The following LRP1B variants were observed in gnomAD, a reference collection of about 807,000 sequenced individuals.
LRP1B encodes the protein LDL receptor related protein 1B, also known as low-density lipoprotein receptor-related protein 1B.
Under a neutral mutation model 556.6 loss-of-function variants are expected in LRP1B, and 217 were observed. The ratio of observed to expected loss-of-function variants is 0.39; its 90% CI spans 0.35 to 0.44. The LOEUF (loss-of-function observed/expected upper bound fraction) is 0.44, where lower values mean the gene tolerates loss of function less well. LRP1B is among the 20% of genes least tolerant of loss of function. LRP1B has a pLI of 1.00. For missense variants in LRP1B, 5,053 were observed against 5,620.8 expected (o/e 0.90, Z 3.23); for synonymous variants, 2,047 against 1,865.8 (o/e 1.10, Z -2.50).
At chr2:141,485,280 G>A (rs7423788) in intron 2 of LRP1B, among the ~76,000 whole-genome samples, 4,862 of 152,138 alleles carry the variant, frequency 0.032, 282 homozygotes, top group African/African-American at 0.11. Context: ...TGGATGAACT[G>A]TACCATAACC....
intron 2 of LRP1B, among the ~76,000 whole-genome samples, chr2:141,587,054 C>T (rs919382984): frequency 6.6e-6 from 1 of 151,374 alleles, no homozygotes; most frequent in Non-Finnish European, 1.5e-5. Flanking sequence ...CGTAAACAAA[C>T]TGACTCTGCA....
intron 52 of LRP1B, 35 bp downstream of exon 52, chr2:140,509,893 T>G: frequency 6.3e-7 from 1 of 1,591,238 alleles, no homozygotes; most frequent in Non-Finnish European, 8.6e-7. Context: ...CTGCAACAGT[T>G]TTCTTTGACA....
At chr2:140,846,287 G>A (rs1692271347) in intron 29 of LRP1B, among the ~76,000 whole-genome samples, 1 of 152,122 alleles carries the variant, frequency 6.6e-6, no homozygotes, top group Admixed American at 6.6e-5. Context: ...GCTCATGTGA[G>A]CAATATATAC....
At chr2:142,080,134 A>C in intron 1 of LRP1B, among the ~76,000 whole-genome samples, 1 of 152,162 alleles carries the variant, frequency 6.6e-6, no homozygotes, top group East Asian at 1.9e-4. Context: ...TCAAGACATA[A>C]AATTCACAAC....
chr2:141,358,137 G>C (rs145016679), intron 3 of LRP1B, among the ~76,000 whole-genome samples: 1 of 152,140 alleles, frequency 6.6e-6, no homozygotes, highest in Non-Finnish European at 1.5e-5. Flanking sequence ...TAGAGAAATG[G>C]CAAATAAATT....
intron 35 of LRP1B, among the ~76,000 whole-genome samples, chr2:140,758,789 T>A (rs1688823740): frequency 6.6e-6 from 1 of 151,948 alleles, no homozygotes; most frequent in South Asian, 2.1e-4. Context: ...AGAAAAAAAA[T>A]TATAAGGCTA....
chr2:141,230,895 T>C (rs1460376807), intron 5 of LRP1B, among the ~76,000 whole-genome samples: 1 of 152,196 alleles, frequency 6.6e-6, no homozygotes, highest in East Asian at 1.9e-4. Flanking sequence ...TTCACCATAG[T>C]ATGTTTTATA....
At chr2:140,284,376 G>A (rs919570467) in intron 84 of LRP1B, among the ~76,000 whole-genome samples, 2 of 137,798 alleles carry the variant, frequency 1.5e-5, no homozygotes, top group East Asian at 4.4e-4. Flanking sequence ...GGAATTCATG[G>A]AGAAATGCAT....
intron 49 of LRP1B, among the ~76,000 whole-genome samples, chr2:140,518,477 A>T (rs915511253): frequency 3.9e-5 from 6 of 152,196 alleles, no homozygotes; most frequent in African/African-American, 1.4e-4. Flanking sequence ...AAAAAAGAAA[A>T]ATAAAATTTT....
At chr2:140,384,479 G>A (rs1289444509) in intron 67 of LRP1B, among the ~76,000 whole-genome samples, 1 of 152,146 alleles carries the variant, frequency 6.6e-6, no homozygotes, top group African/African-American at 2.4e-5. Flanking sequence ...TTGACTCTCT[G>A]CAATGCTCTT....
chr2:140,375,680 C>T (rs16843873), intron 68 of LRP1B, among the ~76,000 whole-genome samples: 3,444 of 152,134 alleles, frequency 0.023, 50 homozygotes, highest in African/African-American at 0.036. Flanking sequence ...TTCAAATTAG[C>T]AGAGCCAATA....
At chr2:141,965,884 A>G (rs1427876308) in intron 1 of LRP1B, among the ~76,000 whole-genome samples, 1 of 150,510 alleles carries the variant, frequency 6.6e-6, no homozygotes, top group African/African-American at 2.4e-5. Flanking sequence ...CTAATTGCTG[A>G]GACAAATTTT....
Position 141,015,700 on chromosome 2 carries a change from C to T in LRP1B, c.2186G>A (p.Arg729Lys). The T allele has an allele frequency of 1.2e-6, 2 of 1,609,692 alleles. No individual in the cohort carries two copies. Among genetic ancestry groups the T allele is most frequent in the Non-Finnish European group, 1.7e-6 (2 of 1,176,698 alleles). The change falls in exon 13 of 91, where the codon AGG becomes AAG. Residue 729 changes from arginine (R) to lysine (K), a missense_variant. By Grantham distance (26) the Arg-to-Lys change is conservative. Transcript: ENST00000389484. ...ACAGCAGCATTTGTCTTTTACCTTC[C>T]TGTGAGTCCCATTCAAAAATACTTT... ...IEKVFLNGTH[R>K]KIVYSGRELN...
intron 3 of LRP1B, among the ~76,000 whole-genome samples, chr2:141,301,803 T>C (rs1348775368): frequency 2.0e-5 from 3 of 152,136 alleles, no homozygotes; most frequent in Non-Finnish European, 2.9e-5. Flanking sequence ...CGGCAGCATT[T>C]TCACTAACAT....
At chr2:140,485,884 A>AG (rs1553473155) in intron 58 of LRP1B, among the ~76,000 whole-genome samples, 2 of 55,464 alleles carry the variant, frequency 3.6e-5, no homozygotes, top group African/African-American at 1.0e-4. Context: ...CACACACACA[A>AG]ACTTAGAGAT....
intron 3 of LRP1B, among the ~76,000 whole-genome samples, chr2:141,366,587 A>G (rs954349476): frequency 6.6e-6 from 1 of 152,204 alleles, no homozygotes; most frequent in African/African-American, 2.4e-5. Flanking sequence ...AAAAAGGCAA[A>G]AACACTTCTA....
chr2:140,256,509 G>A (rs1441063402), intron 86 of LRP1B, among the ~76,000 whole-genome samples: 8 of 106,462 alleles, frequency 7.5e-5, no homozygotes, highest in African/African-American at 1.8e-4. Flanking sequence ...TTGCTTTGTC[G>A]TCAGGCTGGA....
intron 2 of LRP1B, among the ~76,000 whole-genome samples, chr2:141,738,067 G>C (rs1693557113): frequency 6.6e-6 from 1 of 151,788 alleles, no homozygotes; most frequent in Non-Finnish European, 1.5e-5. Context: ...AAAAAAAATT[G>C]TGCTGTGCAC....
chr2:141,165,882 T>G (rs549135663), intron 7 of LRP1B, among the ~76,000 whole-genome samples: 1 of 152,186 alleles, frequency 6.6e-6, no homozygotes, highest in East Asian at 1.9e-4. Flanking sequence ...GCTATTAGAA[T>G]GTTTCCAGTT....
Sources: gnomAD v4.1 joint callset for allele counts (sites outside exome capture counted in the v4.1 genomes callset) on GRCh38, gnomAD v4.1.1 for gene constraint, MANE v1.5 for transcripts, NCBI Gene and HGNC (gene_info 2026-07-23, HGNC 2026-07-21) for gene names.